Variants in SLC30A5 observed in about 807,000 individuals in gnomAD.
The protein encoded by SLC30A5 is proton-coupled zinc antiporter SLC30A5.
In SLC30A5, 33 loss-of-function variants were observed where a neutral mutation model predicts 79.6. The ratio of observed to expected loss-of-function variants is 0.41; its 90% confidence interval spans 0.31 to 0.55. The LOEUF (loss-of-function observed/expected upper bound fraction) is 0.55, where lower values mean the gene tolerates loss of function less well. Ranked by LOEUF, SLC30A5 falls within the 20% of genes least tolerant of loss-of-function variation. The probability of loss-of-function intolerance (pLI) is 0.20; values close to 1 mark genes in which losing one functional copy is unlikely to be tolerated. For synonymous variants in SLC30A5, 299 were observed against 319.7 expected (o/e 0.94, Z 0.69); for missense variants, 788 against 928.1 (o/e 0.85, Z 1.96).
In SLC30A5 at chr5:69,103,078, G is replaced by C. The variant is rs1347789205; in HGVS notation, c.223G>C (p.Val75Leu). ...TATTTACAGGACTGCATTTTTTATG[G>C]TTTTGTTTCAAAAGCCATTTTCTTC... ...ILKLGTAFFM[V>L]LFQKPFSSGK... is the part of the protein sequence containing the mutation. Residue 75 changes from valine (V) to leucine (L), a missense_variant, in exon 3 of 16, where the codon GTT becomes CTT. This residue lies in a region of SLC30A5 where 626 missense variants were observed against 755.5 expected (regional missense o/e 0.83). Coordinates refer to ENST00000396591, the MANE Select transcript of SLC30A5 (RefSeq NM_022902.5). The C allele has an allele frequency of 1.0e-5, 16 of 1,572,620 alleles. No homozygotes were observed. The highest frequency in any genetic ancestry group is 1.4e-5 in the Non-Finnish European group (16 of 1,147,472).
chr5:69,120,037 A>T (rs2111987485), intron 12 of SLC30A5, among the ~76,000 whole-genome samples: 2 of 151,018 alleles, frequency 1.3e-5, no homozygotes, highest in South Asian at 4.2e-4. Context: ...AAAAAAAAAA[A>T]GTAGTACATG....
rs184134754 is a variant in SLC30A5 at position 69,123,667 on chromosome 5, T to C, written c.1998+242T>C. ...GACCGAATAGATGGATGAGATTTTC[T>C]TGGATGAGAAGACTCTTTATTATAA... On this transcript the variant is annotated intron_variant, in intron 14 of 15. Coordinates refer to ENST00000396591, the MANE Select transcript of SLC30A5 (RefSeq NM_022902.5). 480 of 399,468 alleles carry C rather than the reference T, an allele frequency of 1.2e-3. 1 individual carries two copies. Among genetic ancestry groups the C allele is most frequent in the African/African-American group, 8.8e-3 (435 of 49,320 alleles). 24.7% of individuals were successfully genotyped at this position (399,468 alleles called of 1,614,324 possible).
intron 4 of SLC30A5, among the ~76,000 whole-genome samples, chr5:69,106,678 G>A (rs1746087408): frequency 6.6e-6 from 1 of 152,162 alleles, no homozygotes; most frequent in Non-Finnish European, 1.5e-5. Context: ...CTGCGTGCCT[G>A]TAATCCCAGC....
At chr5:69,123,148 C>A in intron 13 of SLC30A5, 51 bp from the exon 14 acceptor site, 1 of 1,322,368 alleles carries the variant, frequency 7.6e-7, no homozygotes, top group Non-Finnish European at 1.1e-6. Flanking sequence ...TATTAAAAAA[C>A]TAAATTAGAT....
In SLC30A5 at chr5:69,116,083, T is replaced by C. The variant is rs368320598; in HGVS notation, c.941T>C (p.Leu314Pro). Residue 314 changes from leucine (L) to proline (P), a missense_variant, in exon 9 of 16, where the codon CTC becomes CCC. By Grantham distance (98) the Leu-to-Pro change is moderately conservative (BLOSUM62 -3). Transcript: ENST00000396591. This position sits in a 1 kb window ranked among gnomAD's most constrained non-coding sequence, Gnocchi z 4.0. ...TCCTTTCCCATTTTTATTAGTGCTC[T>C]CCTTTTTGGAAATTTTTGGACACAT... is the stretch of plus-strand genomic sequence containing the variant. Reference protein sequence around the residue: ...YGSFPIFISALLFGNFWTHPI... With the variant: ...YGSFPIFISAPLFGNFWTHPI... The C allele has an allele frequency of 3.1e-6, 5 of 1,614,210 alleles. No individual in the cohort carries two copies. Among genetic ancestry groups the C allele is most frequent in the Non-Finnish European group, 2.5e-6 (3 of 1,180,042 alleles).
intron 3 of SLC30A5, among the ~76,000 whole-genome samples, chr5:69,103,739 C>G (rs976662109): frequency 6.6e-6 from 1 of 152,182 alleles, no homozygotes; most frequent in Non-Finnish European, 1.5e-5. Context: ...GTGATTCAAA[C>G]TAGAAATGTC....
intron 5 of SLC30A5, among the ~76,000 whole-genome samples, chr5:69,110,283 A>G (rs1746197736): frequency 6.6e-6 from 1 of 152,098 alleles, no homozygotes; most frequent in African/African-American, 2.4e-5. Flanking sequence ...GATCTCCCAC[A>G]CTTCCTGTGC....
intron 14 of SLC30A5, among the ~76,000 whole-genome samples, chr5:69,125,843 C>G (rs187538998): frequency 2.3e-5 from 3 of 131,066 alleles, no homozygotes; most frequent in African/African-American, 8.9e-5. Flanking sequence ...TGCACTCCAG[C>G]CCGGGCCACA....
chr5:69,102,825 C>T (rs945372144), intron 2 of SLC30A5: 9 of 219,016 alleles, frequency 4.1e-5, no homozygotes, highest in Middle Eastern at 1.7e-3. Context: ...CGTGCCACTG[C>T]ACTCCAGCCT....
At chr5:69,097,109 C>CT (rs1228027917) in intron 1 of SLC30A5, among the ~76,000 whole-genome samples, 15,284 of 87,602 alleles carry the variant, frequency 0.17, 2,170 homozygotes, top group African/African-American at 0.24. Context: ...CTCTCTTTTT[C>CT]TTTTTTTTTT....
chr5:69,104,838 A>G (rs1356569397), intron 4 of SLC30A5, 122 bp downstream of exon 4: 4 of 937,920 alleles, frequency 4.3e-6, no homozygotes, highest in Non-Finnish European at 6.2e-6. Flanking sequence ...CTTTTATAGC[A>G]TCAGAGAGAA....
intron 12 of SLC30A5, 53 bp from the exon 13 acceptor site, chr5:69,121,641 C>G: frequency 8.0e-7 from 1 of 1,251,666 alleles, no homozygotes; most frequent in Non-Finnish European, 1.1e-6. Context: ...TTTTAAATAA[C>G]AAGTCTATTT....
At chr5:69,099,562 T>C (rs1223815165) in intron 1 of SLC30A5, among the ~76,000 whole-genome samples, 2 of 152,158 alleles carry the variant, frequency 1.3e-5, no homozygotes, top group Non-Finnish European at 2.9e-5. Context: ...CTTGGAAGAC[T>C]TCCTAGAGAT....
chr5:69,094,878 CA>C (rs397830385), intron 1 of SLC30A5, among the ~76,000 whole-genome samples: 1 of 150,618 alleles, frequency 6.6e-6, no homozygotes, highest in Non-Finnish European at 1.5e-5. Context: ...TCCTCGTTGT[CA>C]AAAAAAAATC....
In SLC30A5 at chr5:69,094,234, G is replaced by A. The variant is rs1433483681; in HGVS notation, c.-22G>A. 1.7e-6 allele frequency: 2 copies of A among 1,180,240 alleles called. No individual in the cohort carries two copies. Among genetic ancestry groups the A allele is most frequent in the Non-Finnish European group, 2.2e-6 (2 of 923,832 alleles). 73.1% of individuals were successfully genotyped at this position (1,180,240 alleles called of 1,614,324 possible). ...AGGAGACCCCGCGACAGGGGCAGCG[G>A]CGGCGGCTCGTGAGCCCCGGGATGG... On this transcript the variant is annotated 5_prime_UTR_variant, in exon 1 of 16. Coordinates refer to ENST00000396591, the MANE Select transcript of SLC30A5 (RefSeq NM_022902.5).
intron 13 of SLC30A5, 44 bp downstream of exon 13, chr5:69,121,939 A>G (rs772647824): frequency 6.8e-7 from 1 of 1,474,884 alleles, no homozygotes; most frequent in South Asian, 1.2e-5. Flanking sequence ...ACTGTGTTCT[A>G]AATCAACCCT....
At chr5:69,111,504 C>A (rs1040679595) in intron 5 of SLC30A5, among the ~76,000 whole-genome samples, 3 of 151,518 alleles carry the variant, frequency 2.0e-5, no homozygotes, top group Non-Finnish European at 4.4e-5. Context: ...CAGGGTTTCA[C>A]CATATTGGTC....
intron 1 of SLC30A5, among the ~76,000 whole-genome samples, chr5:69,096,631 A>G (rs1295013672): frequency 1.3e-5 from 2 of 152,144 alleles, no homozygotes; most frequent in Non-Finnish European, 2.9e-5. Flanking sequence ...ATTTAACTCC[A>G]ATATCCCAAA....
chr5:69,096,946 C>T (rs1214683952), intron 1 of SLC30A5, among the ~76,000 whole-genome samples: 1 of 150,314 alleles, frequency 6.7e-6, no homozygotes, highest in Non-Finnish European at 1.5e-5. Context: ...GGTGACAGTG[C>T]AAAACCCTGC....
Sources: gnomAD v4.1 joint callset for allele counts (sites outside exome capture counted in the v4.1 genomes callset) on GRCh38, gnomAD v4.1.1 for gene constraint, gnomAD v4.1.1 regional missense constraint, Gnocchi (gnomAD v3.1) non-coding constraint, MANE v1.5 for transcripts, NCBI Gene and HGNC (gene_info 2026-07-23, HGNC 2026-07-21) for gene names.